NAV3: variants seen among roughly 807,000 people sequenced by gnomAD.
NAV3 encodes pore membrane and/or filament interacting like protein 1.
A neutral mutation model predicts 244.7 loss-of-function variants in NAV3; 87 were observed. That is an observed-to-expected ratio of 0.36 (90% CI 0.30 to 0.42). The LOEUF (loss-of-function observed/expected upper bound fraction) is 0.42. Among genes scored for constraint, NAV3 ranks in the 20% least tolerant of loss-of-function variants. The pLI is 1.00. For synonymous variants in NAV3, 1,126 were observed against 1,042.2 expected (o/e 1.08, Z -1.55); for missense variants, 2,663 against 2,893.3 (o/e 0.92, Z 1.83).
At chr12:77,985,405 C>A (rs2136301305) in intron 5 of NAV3, among the ~76,000 whole-genome samples, 1 of 152,202 alleles carries the variant, frequency 6.6e-6, no homozygotes, top group Admixed American at 6.5e-5. Flanking sequence ...GAATGTGAAG[C>A]TGCTTTCTTA....
At chr12:77,875,213 A>G (rs2136516603) in intron 1 of NAV3, among the ~76,000 whole-genome samples, 1 of 152,218 alleles carries the variant, frequency 6.6e-6, no homozygotes, top group East Asian at 1.9e-4. Context: ...TTGTTATTCT[A>G]GAATACCTCA....
At chr12:77,885,057 C>G (rs1883118375) in intron 1 of NAV3, among the ~76,000 whole-genome samples, 1 of 152,072 alleles carries the variant, frequency 6.6e-6, no homozygotes, top group Non-Finnish European at 1.5e-5. Context: ...AACACAACAT[C>G]TATCAGGGCT....
At chr12:77,943,053 C>G (rs1057401824) in intron 3 of NAV3, among the ~76,000 whole-genome samples, 3 of 152,132 alleles carry the variant, frequency 2.0e-5, no homozygotes, top group African/African-American at 4.8e-5. Flanking sequence ...AATAAACAGG[C>G]AAGCTTATAC....
Position 78,185,612 on chromosome 12 carries a change from G to A in NAV3, c.5704G>A (p.Asp1902Asn), listed in dbSNP as rs1958679489. 1 of 1,607,832 alleles carries A rather than the reference G, an allele frequency of 6.2e-7. No individual in the cohort carries two copies. Among genetic ancestry groups the A allele is most frequent in the Admixed American group, 1.7e-5 (1 of 59,726 alleles). The change falls in exon 31 of 40, where the codon GAT becomes AAT. Residue 1902 changes from aspartate to asparagine, a missense_variant. By Grantham distance (23) the Asp-to-Asn change is conservative. Around this residue, in one of 6 missense-constraint regions of NAV3, gnomAD observed 543 missense variants for 672.4 expected, o/e 0.81. Coordinates refer to ENST00000397909, the MANE Select transcript of NAV3 (RefSeq NM_001024383.2). ...TEAVSSDILL[D>N]DAGDATGHKD... is the part of the protein sequence containing the mutation. ...TTAAAATTTGATAGATATTTTGCTA[G>A]ATGATGCTGGTGATGCAACTGGACA...
chr12:77,707,013 CT>C (rs546394777), intron 2 of NAV3, among the ~76,000 whole-genome samples: 148 of 151,728 alleles, frequency 9.8e-4, no homozygotes, highest in South Asian at 4.6e-3. Context: ...TACGAAATTC[CT>C]ACTTCCTCTT....
intron 2 of NAV3, among the ~76,000 whole-genome samples, chr12:77,641,899 A>G (rs1872430666): frequency 1.3e-5 from 2 of 152,098 alleles, no homozygotes; most frequent in Non-Finnish European, 2.9e-5. Context: ...CCAAGGCAAA[A>G]GCATTCTCCC....
At chr12:77,677,122 A>C (rs1874241713) in intron 2 of NAV3, among the ~76,000 whole-genome samples, 1 of 152,184 alleles carries the variant, frequency 6.6e-6, no homozygotes, top group African/African-American at 2.4e-5. Flanking sequence ...ATTTAACCAG[A>C]GGTATTTTCA....
chr12:78,136,445 A>C (rs113294561), intron 18 of NAV3, among the ~76,000 whole-genome samples: 13 of 152,312 alleles, frequency 8.5e-5, no homozygotes, highest in African/African-American at 3.1e-4. Context: ...ATAAGCAATA[A>C]GAAAATAAAT....
intron 1 of NAV3, among the ~76,000 whole-genome samples, chr12:77,891,399 T>C (rs1883922719): frequency 6.6e-6 from 1 of 151,854 alleles, no homozygotes; most frequent in Non-Finnish European, 1.5e-5. Flanking sequence ...AGCATCTTTT[T>C]CATATTATGT....
intron 30 of NAV3, among the ~76,000 whole-genome samples, chr12:78,183,208 C>T (rs1958571991): frequency 6.6e-6 from 1 of 151,896 alleles, no homozygotes; most frequent in Non-Finnish European, 1.5e-5. Context: ...AAGGCTCTCA[C>T]ATTAATCTTG....
chr12:77,987,382 T>G (rs1323611471), intron 5 of NAV3, among the ~76,000 whole-genome samples: 1 of 152,224 alleles, frequency 6.6e-6, no homozygotes, highest in Non-Finnish European at 1.5e-5. Flanking sequence ...AATTTTCATA[T>G]TTGTCAGTTG....
At chr12:77,776,148 AC>A (rs1209611043) in intron 2 of NAV3, among the ~76,000 whole-genome samples, 2 of 152,224 alleles carry the variant, frequency 1.3e-5, no homozygotes, top group African/African-American at 4.8e-5. Context: ...CATGTGCCTG[AC>A]CAAGAAAAGC....
intron 1 of NAV3, among the ~76,000 whole-genome samples, chr12:77,856,876 A>G (rs1274827548): frequency 6.6e-6 from 1 of 152,140 alleles, no homozygotes; most frequent in East Asian, 1.9e-4. Flanking sequence ...AGCTTTCCAG[A>G]TCTTGAGTGG....
intron 1 of NAV3, among the ~76,000 whole-genome samples, chr12:77,839,641 C>T (rs1252424036): frequency 6.6e-6 from 1 of 152,144 alleles, no homozygotes; most frequent in Non-Finnish European, 1.5e-5. Flanking sequence ...GTGGTCAACA[C>T]TTATTACCTA....
At chr12:77,957,731 C>A (rs1030533339) in intron 3 of NAV3, among the ~76,000 whole-genome samples, 23 of 151,956 alleles carry the variant, frequency 1.5e-4, no homozygotes, top group African/African-American at 5.6e-4. Context: ...GTGGGGTGAT[C>A]TCGGCTCGCT....
chr12:78,207,403 G>A (rs1262884744), intron 39 of NAV3, among the ~76,000 whole-genome samples: 1 of 152,184 alleles, frequency 6.6e-6, no homozygotes, highest in African/African-American at 2.4e-5. Context: ...TGGTGATCAG[G>A]AGATAACTAC....
At chr12:77,961,161 A>G (rs1891915098) in intron 3 of NAV3, among the ~76,000 whole-genome samples, 1 of 145,852 alleles carries the variant, frequency 6.9e-6, no homozygotes, top group African/African-American at 2.5e-5. Flanking sequence ...ACATATGTCT[A>G]TATTACATGC....
chr12:78,146,330 G>A (rs1212153378), intron 20 of NAV3, 39 bp from the exon 21 acceptor site: 1 of 937,760 alleles, frequency 1.1e-6, no homozygotes. Flanking sequence ...ATTGAAAATA[G>A]TTTTTATAGT....
At chr12:77,652,607 C>T (rs1319703419) in intron 2 of NAV3, among the ~76,000 whole-genome samples, 2 of 152,168 alleles carry the variant, frequency 1.3e-5, no homozygotes, top group Non-Finnish European at 2.9e-5. Context: ...TACCCAAATT[C>T]ATATGTCCAG....
Sources: allele counts gnomAD v4.1 joint callset (sites outside exome capture counted in the v4.1 genomes callset), GRCh38; gene constraint gnomAD v4.1.1; regional missense constraint gnomAD v4.1.1; transcripts MANE v1.5; gene names NCBI Gene and HGNC (gene_info 2026-07-23, HGNC 2026-07-21).